Variants in PLCXD3 observed in about 807,000 individuals in gnomAD.
PLCXD3 encodes phosphatidylinositol specific phospholipase C X domain containing 3, also known as PI-PLC X domain-containing protein 3.
Under a neutral mutation model 25.5 loss-of-function variants are expected in PLCXD3, and 19 were observed. That is an observed-to-expected ratio of 0.75 (90% CI 0.52 to 1.09). PLCXD3 has a LOEUF of 1.09. Among genes scored for constraint, PLCXD3 ranks in the 50% least tolerant of loss-of-function variants. The pLI, the probability that PLCXD3 is intolerant of heterozygous loss-of-function variation, is 0.00. For synonymous variants in PLCXD3, 174 were observed against 137.6 expected (o/e 1.26, Z -1.85); for missense variants, 411 against 388.1 (o/e 1.06, Z -0.50).
At chr5:41,440,222 T>TTTTTTG (rs1198016338) in intron 1 of PLCXD3, among the ~76,000 whole-genome samples, 1 of 79,832 alleles carries the variant, frequency 1.3e-5, no homozygotes, top group African/African-American at 5.1e-5. Flanking sequence ...TCAATTTTTT[T>TTTTTTG]TTTTTTTTTT....
At chr5:41,400,474 G>A (rs1013598180) in intron 1 of PLCXD3, among the ~76,000 whole-genome samples, 2 of 151,990 alleles carry the variant, frequency 1.3e-5, no homozygotes, top group Non-Finnish European at 2.9e-5. Flanking sequence ...AAGAAAATAT[G>A]GTACATATAC....
At chr5:41,473,388 A>C (rs528674735) in intron 1 of PLCXD3, among the ~76,000 whole-genome samples, 1 of 152,254 alleles carries the variant, frequency 6.6e-6, no homozygotes, top group South Asian at 2.1e-4. Context: ...AAATGCAATA[A>C]GTAAACTGGT....
chr5:41,504,161 G>T (rs1007277921), intron 1 of PLCXD3, among the ~76,000 whole-genome samples: 7 of 152,066 alleles, frequency 4.6e-5, no homozygotes, highest in Admixed American at 1.3e-4. Flanking sequence ...GAAAAATATA[G>T]ACCCTAGCTG....
intron 2 of PLCXD3, among the ~76,000 whole-genome samples, chr5:41,314,051 C>T (rs1330979517): frequency 4.6e-5 from 7 of 152,178 alleles, no homozygotes; most frequent in Admixed American, 1.3e-4. Flanking sequence ...AAGAAAACAA[C>T]ATTTTTGCAT....
chr5:41,504,936 C>G (rs1292481280), intron 1 of PLCXD3, among the ~76,000 whole-genome samples: 1 of 152,176 alleles, frequency 6.6e-6, no homozygotes, highest in Non-Finnish European at 1.5e-5. Context: ...TACTTTTGGA[C>G]TGGTAAAGTG....
chr5:41,510,316 T>G, intron 1 of PLCXD3, 108 bp downstream of exon 1: 1 of 989,142 alleles, frequency 1.0e-6, no homozygotes, highest in Non-Finnish European at 1.5e-6. Context: ...GAAGACGAGT[T>G]TCCCTCCCGC....
At chr5:41,355,918 G>A (rs980061226) in intron 2 of PLCXD3, among the ~76,000 whole-genome samples, 1 of 152,040 alleles carries the variant, frequency 6.6e-6, no homozygotes, top group African/African-American at 2.4e-5. Context: ...GCATCAAATG[G>A]CCTCCTTTGG....
intron 2 of PLCXD3, among the ~76,000 whole-genome samples, chr5:41,316,649 G>A (rs192521677): frequency 6.6e-6 from 1 of 152,082 alleles, no homozygotes; most frequent in Non-Finnish European, 1.5e-5. Context: ...TGAGTCCCAG[G>A]CTAGGCAGCA....
At chr5:41,464,920 T>A (rs1259740229) in intron 1 of PLCXD3, among the ~76,000 whole-genome samples, 1 of 152,032 alleles carries the variant, frequency 6.6e-6, no homozygotes, top group Non-Finnish European at 1.5e-5. Flanking sequence ...TCAATGTATA[T>A]TATGTTTTTA....
intron 1 of PLCXD3, among the ~76,000 whole-genome samples, chr5:41,433,185 A>G (rs930827629): frequency 4.6e-5 from 7 of 152,186 alleles, no homozygotes; most frequent in Admixed American, 3.3e-4. Context: ...CAGGATGAGA[A>G]TTTGGACTGC....
intron 1 of PLCXD3, among the ~76,000 whole-genome samples, chr5:41,492,634 CT>C (rs1748729979): frequency 6.6e-6 from 1 of 152,160 alleles, no homozygotes; most frequent in African/African-American, 2.4e-5. Flanking sequence ...TTGTTCGTTT[CT>C]TTTTATTCTT....
At chr5:41,510,190 A>C (rs556971244) in intron 1 of PLCXD3, among the ~76,000 whole-genome samples, 2 of 152,258 alleles carry the variant, frequency 1.3e-5, no homozygotes, top group Admixed American at 1.3e-4. Flanking sequence ...CTGCTTCAAA[A>C]GCCCAGGAGA....
At chr5:41,359,154 T>A (rs1258362000) in intron 2 of PLCXD3, among the ~76,000 whole-genome samples, 1 of 152,202 alleles carries the variant, frequency 6.6e-6, no homozygotes, top group African/African-American at 2.4e-5. Flanking sequence ...TCTATGTTCA[T>A]CAGGGATTTG....
chr5:41,433,278 A>C (rs999106479), intron 1 of PLCXD3, among the ~76,000 whole-genome samples: 1 of 152,232 alleles, frequency 6.6e-6, no homozygotes, highest in African/African-American at 2.4e-5. Flanking sequence ...TAATGACACT[A>C]ACCTCATCTC....
chr5:41,314,108 C>T (rs370620777), intron 2 of PLCXD3, among the ~76,000 whole-genome samples: 30 of 152,262 alleles, frequency 2.0e-4, no homozygotes, highest in African/African-American at 4.3e-4. Flanking sequence ...TGCAAAACTA[C>T]GGATTGGGGA....
At chr5:41,357,133 T>C (rs1298277084) in intron 2 of PLCXD3, among the ~76,000 whole-genome samples, 1 of 152,204 alleles carries the variant, frequency 6.6e-6, no homozygotes, top group Non-Finnish European at 1.5e-5. Flanking sequence ...ATAAAAGAAA[T>C]GTGATTAATG....
chr5:41,374,648 T>A (rs540530839), intron 2 of PLCXD3, among the ~76,000 whole-genome samples: 2 of 152,182 alleles, frequency 1.3e-5, no homozygotes, highest in East Asian at 1.9e-4. Context: ...ATGAATCTTA[T>A]GGTGAAAGCT....
intron 1 of PLCXD3, among the ~76,000 whole-genome samples, chr5:41,509,758 CAGACTCG>C (rs1168632856): frequency 6.6e-6 from 1 of 152,222 alleles, no homozygotes; most frequent in Non-Finnish European, 1.5e-5. Context: ...GCACTTGGAC[CAGACTCG>C]AGACAGCGGC....
At chr5:41,422,342 A>G (rs1746848595) in intron 1 of PLCXD3, among the ~76,000 whole-genome samples, 1 of 152,208 alleles carries the variant, frequency 6.6e-6, no homozygotes, top group Admixed American at 6.5e-5. Context: ...ACTTGGCAGC[A>G]ATATGAACCA....
Sources: allele counts gnomAD v4.1 joint callset (sites outside exome capture counted in the v4.1 genomes callset), GRCh38; gene constraint gnomAD v4.1.1; transcripts MANE v1.5; gene names NCBI Gene and HGNC (gene_info 2026-07-23, HGNC 2026-07-21).